MAGI2: variants seen among roughly 807,000 people sequenced by gnomAD.
MAGI2 encodes the protein membrane associated guanylate kinase, WW and PDZ domain containing 2.
MAGI2 carries 35 observed loss-of-function variants against 133.3 expected under a neutral mutation model. The ratio of observed to expected loss-of-function variants is 0.26; its 90% confidence interval spans 0.20 to 0.35. The LOEUF is 0.35. Among genes scored for constraint, MAGI2 ranks in the 10% least tolerant of loss-of-function variants. The probability of loss-of-function intolerance (pLI) is 1.00; values close to 1 mark genes in which losing one functional copy is unlikely to be tolerated. For missense variants in MAGI2, 1,636 were observed against 1,863.4 expected (o/e 0.88, Z 2.25); for synonymous variants, 729 against 710.6 (o/e 1.03, Z -0.41).
chr7:78,130,807 A>T (rs1379491726), intron 18 of MAGI2, among the ~76,000 whole-genome samples: 1 of 152,234 alleles, frequency 6.6e-6, no homozygotes, highest in East Asian at 1.9e-4. Flanking sequence ...GGATTAGGTC[A>T]ATCTGAATCC....
chr7:79,028,854 AG>A (rs1484841247), intron 1 of MAGI2, among the ~76,000 whole-genome samples: 1 of 152,170 alleles, frequency 6.6e-6, no homozygotes, highest in Non-Finnish European at 1.5e-5. Flanking sequence ...TGGTAATGAA[AG>A]GGGTTTTTTT....
At chr7:78,885,093 G>T (rs996243150) in intron 2 of MAGI2, among the ~76,000 whole-genome samples, 3 of 152,118 alleles carry the variant, frequency 2.0e-5, no homozygotes, top group African/African-American at 7.2e-5. Flanking sequence ...TTATGAGTGG[G>T]AGCTAAACAT....
intron 2 of MAGI2, among the ~76,000 whole-genome samples, chr7:78,962,534 G>A (rs1802933858): frequency 6.7e-6 from 1 of 148,192 alleles, no homozygotes. Context: ...TTCCCAGATA[G>A]GTACATGCTG....
intron 1 of MAGI2, among the ~76,000 whole-genome samples, chr7:79,234,336 T>C (rs1831675611): frequency 6.6e-6 from 1 of 151,598 alleles, no homozygotes; most frequent in African/African-American, 2.4e-5. Flanking sequence ...ATCTGAACGT[T>C]GGCCTGCCTT....
chr7:79,102,328 A>G lies in MAGI2; in HGVS notation c.302-95122T>C, dbSNP rs541185388. Among the ~76,000 whole-genome samples the G allele has an allele frequency of 1.1e-4, 17 of 152,294 alleles. No individual in the cohort carries two copies. In the East Asian group the frequency reaches 3.1e-3, roughly 28 times the overall value. On this transcript the variant is annotated intron_variant, in intron 1 of 21. Coordinates refer to ENST00000354212, the MANE Select transcript of MAGI2 (RefSeq NM_012301.4). ...ATACCTAAGCTAAATCTCCGCATAT[A>G]TATTTGATTGCTTCCTTAAAAGAAT... is the stretch of plus-strand genomic sequence containing the variant.
chr7:78,576,192 C>CTT (rs540975103), intron 3 of MAGI2, among the ~76,000 whole-genome samples: 1 of 146,508 alleles, frequency 6.8e-6, no homozygotes, highest in African/African-American at 2.5e-5. Flanking sequence ...CTCTATAATG[C>CTT]TTTTTTTTTT....
intron 1 of MAGI2, among the ~76,000 whole-genome samples, chr7:79,237,851 T>C (rs1832060061): frequency 1.3e-5 from 2 of 152,204 alleles, no homozygotes. Context: ...TTAAGTGAAA[T>C]GTCTTTGTAC....
At chr7:79,424,563 T>C (rs4730820) in intron 1 of MAGI2, among the ~76,000 whole-genome samples, 37,433 of 151,960 alleles carry the variant, frequency 0.25, 6,688 homozygotes, top group African/African-American at 0.51. Context: ...TAAGTGCTTT[T>C]GCCACAAAAA....
intron 7 of MAGI2, among the ~76,000 whole-genome samples, chr7:78,367,100 A>AC (rs1793454825): frequency 1.4e-5 from 2 of 146,786 alleles, no homozygotes; most frequent in African/African-American, 5.1e-5. Flanking sequence ...AATGTAGGCA[A>AC]ACACACACAC....
chr7:78,716,734 A>G (rs1418473166), intron 2 of MAGI2, among the ~76,000 whole-genome samples: 1 of 152,182 alleles, frequency 6.6e-6, no homozygotes, highest in Non-Finnish European at 1.5e-5. Context: ...GACACAGAGT[A>G]AAAAACAAAA....
chr7:78,601,339 A>G (rs949249893), intron 3 of MAGI2, among the ~76,000 whole-genome samples: 3 of 152,082 alleles, frequency 2.0e-5, no homozygotes, highest in South Asian at 2.1e-4. Context: ...AGTGCTAAGA[A>G]AAAAAATGAG....
chr7:78,296,193 AATG>A, intron 9 of MAGI2, among the ~76,000 whole-genome samples: 1 of 152,274 alleles, frequency 6.6e-6, no homozygotes, highest in East Asian at 1.9e-4. Flanking sequence ...TCCTCTGCTA[AATG>A]ATTACTCATC....
rs531257878 is a variant in MAGI2, at chr7:79,270,637, T to C, written c.301+182383A>G. Among the ~76,000 whole-genome samples the C allele has an allele frequency of 5.3e-5, 8 of 152,282 alleles. No individual in the cohort carries two copies. The South Asian group carries it at 1.7e-3, about 32-fold the overall frequency. Reference sequence around the variant, plus strand: ...TCAAGTGTTATACAGGTGACATATGTATACATCTTTATTTGATACTCATCA... The same window carrying C: ...TCAAGTGTTATACAGGTGACATATGCATACATCTTTATTTGATACTCATCA... On this transcript the variant is annotated intron_variant, in intron 1 of 21. Transcript: ENST00000354212.
rs1340429826 is a variant in MAGI2 at position 78,260,549 on chromosome 7, T to A, written c.1409-3968A>T. ...ATCCTTGTGAAAATACTTATAATTT[T>A]ATCAAATTTTTTCTCCATAAAAATA... On this transcript the variant is annotated intron_variant, in intron 9 of 21. Coordinates refer to ENST00000354212, the MANE Select transcript of MAGI2 (RefSeq NM_012301.4). 3.3e-5 allele frequency among the ~76,000 whole-genome samples: 5 copies of A among 152,338 alleles called. No homozygotes were observed. In the East Asian group the frequency reaches 9.6e-4, roughly 29 times the overall value.
intron 6 of MAGI2, among the ~76,000 whole-genome samples, chr7:78,393,898 G>T (rs1366496111): frequency 6.6e-6 from 1 of 152,170 alleles, no homozygotes; most frequent in Non-Finnish European, 1.5e-5. Flanking sequence ...TTCTTCGGAG[G>T]ATAAACTGGG....
At chr7:79,403,048 T>G (rs1375978928) in intron 1 of MAGI2, among the ~76,000 whole-genome samples, 1 of 152,208 alleles carries the variant, frequency 6.6e-6, no homozygotes, top group African/African-American at 2.4e-5. Context: ...TATAAAGTGC[T>G]TAGAACAGTG....
At chr7:79,328,834 G>A (rs374537358) in intron 1 of MAGI2, among the ~76,000 whole-genome samples, 235 of 152,204 alleles carry the variant, frequency 1.5e-3, no homozygotes, top group African/African-American at 5.4e-3. Context: ...TGGTTGGCAC[G>A]TAATTTCTAT....
At chr7:78,489,889 A>G (rs753535432) in intron 5 of MAGI2, 49 bp from the exon 6 acceptor site, 1 of 1,314,300 alleles carries the variant, frequency 7.6e-7, no homozygotes, top group African/African-American at 2.0e-5. Flanking sequence ...AAAAGGAATC[A>G]AGTTTATTCC....
intron 3 of MAGI2, among the ~76,000 whole-genome samples, chr7:78,623,457 T>C (rs945415557): frequency 6.6e-6 from 1 of 152,108 alleles, no homozygotes; most frequent in Non-Finnish European, 1.5e-5. Flanking sequence ...GTTTTTTTCA[T>C]ATATAGTTTA....
Sources: allele counts gnomAD v4.1 joint callset (sites outside exome capture counted in the v4.1 genomes callset), GRCh38; gene constraint gnomAD v4.1.1; transcripts MANE v1.5; gene names NCBI Gene and HGNC (gene_info 2026-07-23, HGNC 2026-07-21).